Variants in OSCP1 observed in about 807,000 individuals in gnomAD.
The protein encoded by OSCP1 is organic solute carrier partner 1, also known as protein OSCP1.
OSCP1 carries 35 observed loss-of-function variants against 45.1 expected under a neutral mutation model. The ratio of observed to expected loss-of-function variants is 0.78; its 90% CI spans 0.59 to 1.03. OSCP1 has a LOEUF of 1.03. Among genes scored for constraint, OSCP1 ranks in the 50% least tolerant of loss-of-function variants. OSCP1 has a pLI of 0.00. For missense variants in OSCP1, 400 were observed against 470.7 expected (o/e 0.85, Z 1.39); for synonymous variants, 179 against 180.1 (o/e 0.99, Z 0.05).
At chr1:36,438,622 A>G in intron 2 of OSCP1, 134 bp downstream of exon 2, 2 of 1,052,320 alleles carry the variant, frequency 1.9e-6, no homozygotes, top group Non-Finnish European at 2.6e-6. Context: ...GAAACTCAAC[A>G]ACTACTAGTA....
intron 2 of OSCP1, among the ~76,000 whole-genome samples, chr1:36,437,853 C>T (rs867413284): frequency 6.6e-6 from 1 of 152,080 alleles, no homozygotes; most frequent in South Asian, 2.1e-4. Context: ...GGCATGTATT[C>T]CTGGGGTTCA....
chr1:36,432,399 C>G, intron 3 of OSCP1, 23 bp downstream of exon 3: 1 of 1,611,268 alleles, frequency 6.2e-7, no homozygotes, highest in Non-Finnish European at 8.5e-7. Flanking sequence ...GGCTGAGAGG[C>G]GAGACACTGA....
At chr1:36,422,067 C>T (rs889370687) in intron 7 of OSCP1, 83 bp downstream of exon 7, 5 of 1,356,470 alleles carry the variant, frequency 3.7e-6, no homozygotes, top group Non-Finnish European at 5.3e-6. Context: ...GATCCGAAAT[C>T]TAAAGCGTTC....
At chr1:36,419,306 G>A in intron 8 of OSCP1, 1 of 499,610 alleles carries the variant, frequency 2.0e-6, no homozygotes, top group Middle Eastern at 5.4e-4. Context: ...CAAACTCCAA[G>A]ACCTAGATCA....
chr1:36,443,666 T>C (rs1391313289), intron 1 of OSCP1, among the ~76,000 whole-genome samples: 1 of 152,158 alleles, frequency 6.6e-6, no homozygotes, highest in Non-Finnish European at 1.5e-5. Context: ...ACAAAGTTGT[T>C]TTAAGGACTA....
At chr1:36,422,282 C>T (rs764400521) in intron 6 of OSCP1, 63 bp from the exon 7 acceptor site, 10 of 1,435,822 alleles carry the variant, frequency 7.0e-6, no homozygotes, top group East Asian at 2.3e-5. Context: ...CTCTCTAACT[C>T]GTAAGCATAG....
chr1:36,431,833 A>C lies in OSCP1; in HGVS notation c.485T>G (p.Leu162Arg). The C allele has an allele frequency of 6.2e-7, 1 of 1,613,582 alleles. No homozygotes were observed. Among genetic ancestry groups the C allele is most frequent in the Non-Finnish European group, 8.5e-7 (1 of 1,179,974 alleles). Residue 162 changes from leucine to arginine, a missense_variant, in exon 4 of 10, where the codon CTC (leucine) becomes CGC (arginine). Coordinates refer to ENST00000235532, the MANE Select transcript of OSCP1 (RefSeq NM_145047.5). ...GTGCAGGTCTTGGAAGAAGATGAGG[A>C]GTGTCTGCCGGATCAGCTGGAACTC... Reference protein sequence around the residue: ...AGEFQLIRQTLLIFFQDLHIR... With the variant: ...AGEFQLIRQTRLIFFQDLHIR...
chr1:36,439,965 C>T (rs940593376), intron 1 of OSCP1, among the ~76,000 whole-genome samples: 3 of 152,172 alleles, frequency 2.0e-5, no homozygotes, highest in Admixed American at 1.3e-4. Flanking sequence ...ATAGATTATC[C>T]TTAATTAAAC....
chr1:36,420,233 C>A, intron 8 of OSCP1: 1 of 364,384 alleles, frequency 2.7e-6, no homozygotes, highest in Non-Finnish European at 4.8e-6. Context: ...GCCTTGGCCT[C>A]CCAAAGTGCT....
intron 4 of OSCP1, among the ~76,000 whole-genome samples, chr1:36,430,639 G>A (rs59274900): frequency 0.1 from 15,524 of 150,918 alleles, 944 homozygotes; most frequent in East Asian, 0.3. Context: ...ATATTGACAA[G>A]GCCGACTCTA....
Position 36,432,563 on chromosome 1 carries a change from G to A in OSCP1, c.294C>T (p.Phe98=). Residue 98 remains phenylalanine, a synonymous_variant, in exon 3 of 10, where the codon TTC becomes TTT. Transcript: ENST00000235532. ...DKLYDLMTMA[F]KYQVLLCPRP... ...GGGGACACAGCAATACTTGATATTT[G>A]AAAGCCATGGTCATCAGGTCATAGA... The A allele has an allele frequency of 2.5e-6, 4 of 1,614,144 alleles. No individual in the cohort carries two copies. In the South Asian group the frequency reaches 3.3e-5, roughly 13 times the overall value.
At chr1:36,443,177 T>C (rs545440996) in intron 1 of OSCP1, among the ~76,000 whole-genome samples, 12 of 152,272 alleles carry the variant, frequency 7.9e-5, no homozygotes, top group Admixed American at 2.6e-4. Flanking sequence ...TTGGCCAGGC[T>C]GGCCTCGAAC....
At position 36,450,294 on chromosome 1, in the gene OSCP1, G is replaced by A; in HGVS notation, c.76C>T (p.Arg26Trp). The stretch of plus-strand genomic sequence containing the variant: ...TTGTCTCCCGGGATGTTCTGGGCCC[G>A]CAGCCGTTGGTCGAGGATGTAAAGC... ...EMLYILDQRL[R>W]AQNIPGDKAR... Residue 26 changes from arginine to tryptophan, a missense_variant, in exon 1 of 10, where the codon CGG becomes TGG. Arg to Trp is a moderately radical substitution (Grantham distance 101). Transcript: ENST00000235532. The A allele has an allele frequency of 6.2e-7, 1 of 1,613,630 alleles. No homozygotes were observed. Among genetic ancestry groups the A allele is most frequent in the Non-Finnish European group, 8.5e-7 (1 of 1,179,874 alleles).
At position 36,431,895 on chromosome 1, in the gene OSCP1, A is replaced by G; in HGVS notation, c.436-13T>C. On this transcript the variant is annotated splice_polypyrimidine_tract_variant and intron_variant, in intron 3 of 9. Coordinates refer to ENST00000235532, the MANE Select transcript of OSCP1 (RefSeq NM_145047.5). ...GACCACCATATATCTGCCAAAGGCA[A>G]GCAGAAAGCAGCACTTCACTTTCCA... 2 of 1,611,018 alleles carry G rather than the reference A, an allele frequency of 1.2e-6. No homozygotes were observed. The highest frequency in any genetic ancestry group is 2.2e-5 in the East Asian group (1 of 44,852).
chr1:36,439,375 T>C (rs1206772614), intron 1 of OSCP1, among the ~76,000 whole-genome samples: 2 of 151,940 alleles, frequency 1.3e-5, no homozygotes, highest in African/African-American at 4.8e-5. Flanking sequence ...TGAAAGCAAT[T>C]AGCTGGGTGT....
In OSCP1 at chr1:36,450,387, G is replaced by A. The variant is rs778173516; in HGVS notation, c.-18C>T. 7.5e-6 allele frequency: 12 copies of A among 1,607,342 alleles called. No homozygotes were observed. The East Asian group carries it at 1.8e-4, about 24-fold the overall frequency. ...ACCGACATGGTGCTGGAAACGAGCT[G>A]GACTGGTGAAGAGCCCCGGGGTTCG... is the stretch of plus-strand genomic sequence containing the variant. On this transcript the variant is annotated 5_prime_UTR_variant, in exon 1 of 10. Coordinates refer to ENST00000235532, the MANE Select transcript of OSCP1 (RefSeq NM_145047.5).
chr1:36,443,943 A>G, intron 1 of OSCP1: 1 of 1,557,462 alleles, frequency 6.4e-7, no homozygotes, highest in Admixed American at 1.7e-5. Flanking sequence ...AGCCCTGCTG[A>G]TAAAGGCCTG....
chr1:36,438,646 G>A, intron 2 of OSCP1, 110 bp downstream of exon 2: 1 of 1,327,068 alleles, frequency 7.5e-7, no homozygotes, highest in South Asian at 1.6e-5. Context: ...ACACATGCCT[G>A]TTTCTTGCAA....
At chr1:36,441,349 C>T (rs1435368467) in intron 1 of OSCP1, among the ~76,000 whole-genome samples, 1 of 152,166 alleles carries the variant, frequency 6.6e-6, no homozygotes, top group Non-Finnish European at 1.5e-5. Flanking sequence ...AGGTACCAGA[C>T]AGTGAAATAA....
Sources: gnomAD v4.1 joint callset for allele counts (sites outside exome capture counted in the v4.1 genomes callset) on GRCh38, gnomAD v4.1.1 for gene constraint, MANE v1.5 for transcripts, NCBI Gene and HGNC (gene_info 2026-07-23, HGNC 2026-07-21) for gene names.